Variants in CAMTA1 observed in about 807,000 individuals in gnomAD.
CAMTA1 encodes the protein calmodulin-binding transcription activator 1.
A neutral mutation model predicts 170.9 loss-of-function variants in CAMTA1; 27 were observed. The ratio of observed to expected loss-of-function variants is 0.16; its 90% CI spans 0.12 to 0.22. The LOEUF is 0.22. Among genes scored for constraint, CAMTA1 ranks in the 10% least tolerant of loss-of-function variants. The pLI is 1.00. For synonymous variants in CAMTA1, 833 were observed against 891.5 expected (o/e 0.93, Z 1.17); for missense variants, 1,619 against 2,217.2 (o/e 0.73, Z 5.42).
intron 11 of CAMTA1, among the ~76,000 whole-genome samples, chr1:7,731,677 T>G (rs955004468): frequency 1.3e-5 from 2 of 151,842 alleles, no homozygotes. Flanking sequence ...GAGACCAACC[T>G]GGGCAACATG....
At chr1:7,372,497 G>A (rs1015081320) in intron 5 of CAMTA1, among the ~76,000 whole-genome samples, 1 of 152,242 alleles carries the variant, frequency 6.6e-6, no homozygotes, top group Admixed American at 6.5e-5. Flanking sequence ...GGCTGGGTCT[G>A]TTGCAGGCTG....
At chr1:6,823,781 C>A (rs1646792413) in intron 2 of CAMTA1, among the ~76,000 whole-genome samples, 1 of 151,978 alleles carries the variant, frequency 6.6e-6, no homozygotes, top group African/African-American at 2.4e-5. Context: ...CTGAACAAAG[C>A]CGTAGTAAAT....
chr1:7,017,051 C>T (rs952970808), intron 3 of CAMTA1, among the ~76,000 whole-genome samples: 96 of 152,280 alleles, frequency 6.3e-4, no homozygotes, highest in African/African-American at 2.3e-3. Context: ...ACTTCTTACA[C>T]CCCACCACTG....
At chr1:7,230,940 G>A (rs933551375) in intron 4 of CAMTA1, among the ~76,000 whole-genome samples, 2 of 152,118 alleles carry the variant, frequency 1.3e-5, no homozygotes, top group South Asian at 2.1e-4. Context: ...CACCATGCTC[G>A]TGGCTGAGGG....
In CAMTA1 at chr1:7,677,750, G is replaced by T. The variant is rs1263982031; in HGVS notation, c.2914+17G>T. 1 of 1,608,728 alleles carries T rather than the reference G, an allele frequency of 6.2e-7. No homozygotes were observed. ...CGTTGGACGGTAAGAACAGTGCTTG[G>T]GTCGTCTTGCCAGGCACCAAGGGAG... On this transcript the variant is annotated intron_variant, in intron 11 of 22. Coordinates refer to ENST00000303635, the MANE Select transcript of CAMTA1 (RefSeq NM_015215.4).
rs112199427 is a variant in CAMTA1, at chr1:7,562,156, T to C, written c.511-78244T>C. 8.5e-5 allele frequency among the ~76,000 whole-genome samples: 13 copies of C among 152,286 alleles called. 1 individual carries two copies. The highest frequency in any genetic ancestry group is 3.1e-4 in the African/African-American group (13 of 41,556). On this transcript the variant is annotated intron_variant, in intron 6 of 22. Coordinates refer to ENST00000303635, the MANE Select transcript of CAMTA1 (RefSeq NM_015215.4). The surrounding 1 kb of genome is among the most constrained non-coding windows in gnomAD (Gnocchi z 4.8). ...ACTACCCGCACCAGGATTCACGGGT[T>C]GCAGCTGCCCAGTCCTGAGGCCCGG...
At chr1:7,310,667 CTT>C (rs1676454654) in intron 5 of CAMTA1, among the ~76,000 whole-genome samples, 9 of 28,946 alleles carry the variant, frequency 3.1e-4, no homozygotes, top group East Asian at 2.4e-3. Flanking sequence ...TTCTTTCTTT[CTT>C]TCCTTTCTTT....
In CAMTA1 at chr1:7,766,537, CTG is replaced by C. The variant is rs771937667; in HGVS notation, c.*48_*49del. On this transcript the variant is annotated 3_prime_UTR_variant, in exon 23 of 23. Transcript: ENST00000303635. Reference sequence around the variant, plus strand: ...TAGCAATGTGACATTGCTTTTCAGACTGTTTTCATTTCTGTTTTTAGCAGAGA... The same window carrying C: ...TAGCAATGTGACATTGCTTTTCAGACTTTTCATTTCTGTTTTTAGCAGAGA... The C allele has an allele frequency of 3.1e-5, 49 of 1,578,694 alleles. No homozygotes were observed. Among genetic ancestry groups the C allele is most frequent in the Non-Finnish European group, 4.1e-5 (47 of 1,147,924 alleles).
At chr1:7,004,422 G>A (rs980590656) in intron 3 of CAMTA1, among the ~76,000 whole-genome samples, 2 of 152,136 alleles carry the variant, frequency 1.3e-5, no homozygotes, top group African/African-American at 4.8e-5. Context: ...GCTGGGGCTT[G>A]GCCAATCAGC....
rs12069632 is a variant in CAMTA1 at position 7,437,100 on chromosome 1, C to T, written c.439-30730C>T. Among the ~76,000 whole-genome samples, 1,155 of 152,104 alleles carry T rather than the reference C, an allele frequency of 7.6e-3. 19 individuals are homozygous for T. The highest frequency in any genetic ancestry group is 0.027 in the African/African-American group (1,110 of 41,492). Reference sequence around the variant, plus strand: ...ACAGCCGCAGGCAAGCAGAGGAGGCCGCAGAGGAAGAGGAGGGAGGCCCAG... The same window carrying T: ...ACAGCCGCAGGCAAGCAGAGGAGGCTGCAGAGGAAGAGGAGGGAGGCCCAG... On this transcript the variant is annotated intron_variant, in intron 5 of 22. Transcript: ENST00000303635.
chr1:7,015,221 G>A (rs1344801019), intron 3 of CAMTA1, among the ~76,000 whole-genome samples: 2 of 152,112 alleles, frequency 1.3e-5, no homozygotes, highest in Non-Finnish European at 2.9e-5. Context: ...TTGTTGGACC[G>A]AGTGGGATCA....
At chr1:7,163,613 C>T (rs975967793) in intron 4 of CAMTA1, among the ~76,000 whole-genome samples, 3 of 152,170 alleles carry the variant, frequency 2.0e-5, no homozygotes, top group African/African-American at 7.2e-5. Context: ...GCTCTAGGCT[C>T]TGCAATACTT....
At chr1:7,496,459 G>A (rs1038268541) in intron 6 of CAMTA1, among the ~76,000 whole-genome samples, 40 of 152,192 alleles carry the variant, frequency 2.6e-4, no homozygotes, top group African/African-American at 8.2e-4. Context: ...ACCTGTCACA[G>A]CCTGCGTGTG....
chr1:6,900,782 G>A (rs892046864), intron 3 of CAMTA1, among the ~76,000 whole-genome samples: 1 of 152,170 alleles, frequency 6.6e-6, no homozygotes, highest in African/African-American at 2.4e-5. Flanking sequence ...GAAATTAAGA[G>A]AAGATCTATA....
At chr1:7,331,238 AAAAAC>A (rs1222215016) in intron 5 of CAMTA1, among the ~76,000 whole-genome samples, 2 of 152,138 alleles carry the variant, frequency 1.3e-5, no homozygotes, top group South Asian at 2.1e-4. Context: ...GACTCCACCA[AAAAAC>A]AAAACAAAAC....
intron 5 of CAMTA1, among the ~76,000 whole-genome samples, chr1:7,447,283 C>G (rs1029840794): frequency 2.6e-5 from 4 of 151,822 alleles, no homozygotes; most frequent in Admixed American, 6.6e-5. Context: ...CAGAGTGACT[C>G]TACAAGAAGG....
At chr1:7,484,476 C>T (rs927795369) in intron 6 of CAMTA1, among the ~76,000 whole-genome samples, 5 of 152,152 alleles carry the variant, frequency 3.3e-5, no homozygotes, top group African/African-American at 7.2e-5. Flanking sequence ...TGCACAGGGT[C>T]GGACATAGAC....
chr1:7,551,098 C>A (rs1370321423), intron 6 of CAMTA1, among the ~76,000 whole-genome samples: 3 of 152,138 alleles, frequency 2.0e-5, no homozygotes, highest in Non-Finnish European at 4.4e-5. Flanking sequence ...GACCTTCACC[C>A]TCACAGGGAG....
chr1:7,510,328 G>C (rs1176792464), intron 6 of CAMTA1, among the ~76,000 whole-genome samples: 2 of 144,994 alleles, frequency 1.4e-5, no homozygotes, highest in African/African-American at 4.9e-5. Context: ...CAGAATGGCT[G>C]TTTTGTTCAG....
Sources: allele counts gnomAD v4.1 joint callset (sites outside exome capture counted in the v4.1 genomes callset), GRCh38; gene constraint gnomAD v4.1.1; non-coding constraint Gnocchi (gnomAD v3.1); transcripts MANE v1.5; gene names NCBI Gene and HGNC (gene_info 2026-07-23, HGNC 2026-07-21).